The following CTNNA1 variants were observed in gnomAD, a reference collection of about 807,000 sequenced individuals.
CTNNA1 encodes catenin alpha-1.
CTNNA1 carries 37 observed loss-of-function variants against 98.4 expected under a neutral mutation model. The observed-to-expected ratio is 0.38, with a 90% confidence interval of 0.29 to 0.49. The LOEUF is 0.49. Among genes scored for constraint, CTNNA1 ranks in the 20% least tolerant of loss-of-function variants. The probability of loss-of-function intolerance (pLI) is 0.95; values close to 1 mark genes in which losing one functional copy is unlikely to be tolerated. For missense variants in CTNNA1, 761 were observed against 1,147.2 expected, an observed-to-expected ratio of 0.66 and a Z score of 4.86; for synonymous variants, 404 against 413.2, an observed-to-expected ratio of 0.98 and a Z score of 0.27.
rs1370427288 is a variant in CTNNA1, at chr5:138,874,835, G to A, written c.1063-11377G>A. ...ATGATGGTGATTTCCCTCATAAAAT[G>A]TGAATTCGGTAGCTTATTTTAAAAG... On this transcript the variant is annotated intron_variant, in intron 7 of 17. Coordinates refer to ENST00000302763, the MANE Select transcript of CTNNA1 (RefSeq NM_001903.5). The surrounding 1 kb of genome is among the most constrained non-coding windows in gnomAD (Gnocchi z 4.1). 2.8e-6 allele frequency: 4 copies of A among 1,410,136 alleles called. No homozygotes were observed. Among genetic ancestry groups the A allele is most frequent in the Non-Finnish European group, 3.0e-6 (3 of 1,006,970 alleles). The allele number at this position is 1,410,136 out of a possible 1,614,324, so 87.4% of individuals were successfully genotyped here.
chr5:138,925,133 CA>C, intron 12 of CTNNA1, 122 bp from the exon 13 acceptor site: 1 of 1,017,316 alleles, frequency 9.8e-7, no homozygotes, highest in Non-Finnish European at 1.4e-6. Flanking sequence ...ACCCTTCACA[CA>C]GGTAGAAGCA....
chr5:138,875,465 T>A, intron 7 of CTNNA1: 1 of 985,386 alleles, frequency 1.0e-6, no homozygotes, highest in African/African-American at 1.7e-5. Context: ...AGCATCGGGG[T>A]CGTTGCAGGA....
chr5:138,782,203 C>G, intron 2 of CTNNA1, 174 bp downstream of exon 2: 2 of 677,906 alleles, frequency 3.0e-6, no homozygotes, highest in South Asian at 3.3e-5. Flanking sequence ...CCCTTGAGAA[C>G]GCTGCTGCTG....
At chr5:138,857,965 A>T (rs1392857284) in intron 7 of CTNNA1, among the ~76,000 whole-genome samples, 4 of 152,142 alleles carry the variant, frequency 2.6e-5, no homozygotes, top group Non-Finnish European at 4.4e-5. Context: ...ATATGAATCC[A>T]CTTCTTAGAT....
rs1350146521 is a variant in CTNNA1, at chr5:138,932,605, C to T, written c.2326C>T (p.Leu776=). The change falls in exon 17 of 18, where the codon CTG becomes TTG. Residue 776 remains leucine, a synonymous_variant. Transcript: ENST00000302763. ...CCCCGACTCGGCTTGCAAGCAGGAC[C>T]TGCTGGCCTACCTGCAACGCATCGC... ...HCPDSACKQD[L]LAYLQRIALY... 1 of 1,614,222 alleles carries T rather than the reference C, an allele frequency of 6.2e-7. No individual in the cohort carries two copies.
intron 7 of CTNNA1, among the ~76,000 whole-genome samples, chr5:138,881,773 G>GTTA (rs1752954929): frequency 6.6e-6 from 1 of 151,986 alleles, no homozygotes; most frequent in African/African-American, 2.4e-5. Flanking sequence ...TGTTGTTGTT[G>GTTA]TTGAATTTTC....
intron 7 of CTNNA1, among the ~76,000 whole-genome samples, chr5:138,860,501 T>TTTTG (rs1764168183): frequency 6.9e-6 from 1 of 144,650 alleles, no homozygotes; most frequent in South Asian, 2.2e-4. Flanking sequence ...TTTTTGTTTG[T>TTTTG]TTTGTTTTGT....
intron 2 of CTNNA1, among the ~76,000 whole-genome samples, chr5:138,782,653 TAAG>T (rs1015297807): frequency 2.6e-5 from 4 of 152,244 alleles, no homozygotes; most frequent in African/African-American, 9.6e-5. Flanking sequence ...GGTAATGTTC[TAAG>T]ACATAAAGCG....
At position 138,835,734 on chromosome 5, in the gene CTNNA1, T is replaced by G. The variant is rs1039789; in HGVS notation, c.1062+8016T>G. Among the ~76,000 whole-genome samples, 3 of 152,172 alleles carry G rather than the reference T, an allele frequency of 2.0e-5. No homozygotes were observed. In the East Asian group the frequency reaches 5.8e-4, roughly 29 times the overall value. ...ACAGTGAAGCCATTTAACATATCTGTTATCTTAGAGTTACCTTGTGTGGGT... is the reference window on the plus strand; with the variant it reads ...ACAGTGAAGCCATTTAACATATCTGGTATCTTAGAGTTACCTTGTGTGGGT... On this transcript the variant is annotated intron_variant, in intron 7 of 17. Transcript: ENST00000302763.
intron 7 of CTNNA1, among the ~76,000 whole-genome samples, chr5:138,839,903 T>A (rs185729813): frequency 1.4e-4 from 21 of 152,344 alleles, no homozygotes; most frequent in Admixed American, 5.2e-4. Flanking sequence ...GAGATACTCC[T>A]GGTGGTGCTC....
intron 10 of CTNNA1, among the ~76,000 whole-genome samples, chr5:138,911,642 G>A (rs1388309048): frequency 6.6e-6 from 1 of 152,176 alleles, no homozygotes; most frequent in Non-Finnish European, 1.5e-5. Flanking sequence ...ACACAGATTT[G>A]ATGATAATGT....
At chr5:138,848,012 T>C (rs1762880058) in intron 7 of CTNNA1, among the ~76,000 whole-genome samples, 1 of 152,240 alleles carries the variant, frequency 6.6e-6, no homozygotes, top group African/African-American at 2.4e-5. Flanking sequence ...CTAGCTGAGA[T>C]TCAGGGGTCT....
At chr5:138,820,815 T>C (rs1759963890) in intron 5 of CTNNA1, among the ~76,000 whole-genome samples, 1 of 152,206 alleles carries the variant, frequency 6.6e-6, no homozygotes, top group African/African-American at 2.4e-5. Flanking sequence ...TTTGTAAACA[T>C]AAACTCATTT....
At chr5:138,852,517 A>C (rs1763294055) in intron 7 of CTNNA1, among the ~76,000 whole-genome samples, 1 of 152,124 alleles carries the variant, frequency 6.6e-6, no homozygotes, top group South Asian at 2.1e-4. Flanking sequence ...AGGGAATCTC[A>C]TGACTACTAT....
intron 7 of CTNNA1, among the ~76,000 whole-genome samples, chr5:138,881,295 T>C (rs1274301981): frequency 1.3e-5 from 2 of 152,246 alleles, no homozygotes; most frequent in Non-Finnish European, 2.9e-5. Context: ...CTAAGATTGA[T>C]CTACTGTTGA....
At chr5:138,883,423 A>G (rs944603325) in intron 7 of CTNNA1, among the ~76,000 whole-genome samples, 1 of 152,210 alleles carries the variant, frequency 6.6e-6, no homozygotes, top group African/African-American at 2.4e-5. Context: ...ATTTCCTGCA[A>G]TAACAAGAAA....
chr5:138,929,676 C>T (rs1764890564), intron 14 of CTNNA1, among the ~76,000 whole-genome samples: 1 of 152,160 alleles, frequency 6.6e-6, no homozygotes, highest in African/African-American at 2.4e-5. Flanking sequence ...AAGATTGCTG[C>T]CTTTGTCCAT....
intron 9 of CTNNA1, among the ~76,000 whole-genome samples, chr5:138,895,713 A>C (rs574719942): frequency 6.6e-5 from 10 of 152,118 alleles, no homozygotes; most frequent in Non-Finnish European, 1.5e-4. Flanking sequence ...TGTACTAAAT[A>C]CGTATTTTAT....
chr5:138,801,009 T>C (rs1173477307), intron 3 of CTNNA1, among the ~76,000 whole-genome samples: 2 of 152,210 alleles, frequency 1.3e-5, no homozygotes, highest in Admixed American at 6.5e-5. Context: ...AGTGTTGTAC[T>C]AAACATGATG....
Sources: gnomAD v4.1 joint callset for allele counts (sites outside exome capture counted in the v4.1 genomes callset) on GRCh38, gnomAD v4.1.1 for gene constraint, Gnocchi (gnomAD v3.1) non-coding constraint, MANE v1.5 for transcripts, NCBI Gene and HGNC (gene_info 2026-07-23, HGNC 2026-07-21) for gene names.